Variants in MYO16 observed in about 807,000 individuals in gnomAD.
The protein encoded by MYO16 is unconventional myosin-XVI.
A neutral mutation model predicts 205.3 loss-of-function variants in MYO16; 94 were observed. The observed-to-expected ratio is 0.46, with a 90% confidence interval of 0.39 to 0.54. The LOEUF (loss-of-function observed/expected upper bound fraction) is 0.54. Among genes scored for constraint, MYO16 ranks in the 20% least tolerant of loss-of-function variants. The probability of loss-of-function intolerance (pLI) is 0.00; values close to 1 mark genes in which losing one functional copy is unlikely to be tolerated. For missense variants in MYO16, 2,315 were observed against 2,387.5 expected, an observed-to-expected ratio of 0.97 and a Z score of 0.63; for synonymous variants, 988 against 954.0, an observed-to-expected ratio of 1.04 and a Z score of -0.66.
intron 5 of MYO16, 129 bp from the exon 6 acceptor site, chr13:108,793,387 A>C (rs1886682275): frequency 2.7e-6 from 2 of 734,480 alleles, no homozygotes; most frequent in Non-Finnish European, 2.2e-6. Flanking sequence ...TCTTTGAATG[A>C]GTGTTCAAAG....
chr13:108,940,430 C>G lies in MYO16; in HGVS notation c.1926-17258C>G, dbSNP rs529976451. Among the ~76,000 whole-genome samples, 3 of 152,260 alleles carry G rather than the reference C, an allele frequency of 2.0e-5. No homozygotes were observed. The East Asian group carries it at 5.8e-4, about 29-fold the overall frequency. On this transcript the variant is annotated intron_variant, in intron 16 of 34. Coordinates refer to ENST00000457511, the MANE Select transcript of MYO16 (RefSeq NM_001198950.3). ...ATAACAATTGACTTGATCAGAAACT[C>G]TCTATGTGCATTCCAATTAGTAATG...
chr13:108,585,662 T>A, the MYO16 span, among the ~76,000 whole-genome samples: 1 of 152,192 alleles, frequency 6.6e-6, no homozygotes, highest in Non-Finnish European at 1.5e-5. Flanking sequence ...CAAGGGAATA[T>A]ATTTTGGGGT....
chr13:109,023,835 TTAGA>T (rs926407070), intron 23 of MYO16, among the ~76,000 whole-genome samples: 3 of 136,828 alleles, frequency 2.2e-5, no homozygotes, highest in African/African-American at 7.9e-5. Context: ...TTTGCATTTA[TTAGA>T]TATTTATATT....
intron 1 of MYO16, among the ~76,000 whole-genome samples, chr13:108,607,194 C>A (rs1304721934): frequency 6.6e-6 from 1 of 152,074 alleles, no homozygotes; most frequent in Non-Finnish European, 1.5e-5. Flanking sequence ...TGGGTTAATG[C>A]TGGAAACAGT....
rs922984568 is a variant in MYO16, at chr13:109,125,461, G to A, written c.3782+103G>A. ...ATGCAGAGTTCAATCAAATATGACA[G>A]GAGTTGCAGGAACAGGCATGCGTGG... On this transcript the variant is annotated intron_variant, in intron 30 of 34. Transcript: ENST00000457511. This position sits in a 1 kb window ranked among gnomAD's most constrained non-coding sequence, Gnocchi z 4.0. 19 of 1,453,344 alleles carry A rather than the reference G, an allele frequency of 1.3e-5. No individual in the cohort carries two copies. The highest frequency in any genetic ancestry group is 1.8e-5 in the Non-Finnish European group (19 of 1,068,818). The allele number at this position is 1,453,344 out of a possible 1,614,324, so 90.0% of individuals were successfully genotyped here.
chr13:108,941,703 GA>G (rs1033302732), intron 16 of MYO16, among the ~76,000 whole-genome samples: 230 of 133,744 alleles, frequency 1.7e-3, no homozygotes, highest in Non-Finnish European at 2.9e-3. Flanking sequence ...AAAGGTAAAA[GA>G]AAAAAAAAAG....
intron 34 of MYO16, among the ~76,000 whole-genome samples, chr13:109,197,552 C>T (rs770182037): frequency 3.9e-5 from 6 of 152,132 alleles, no homozygotes; most frequent in Non-Finnish European, 8.8e-5. Flanking sequence ...GATTAATTTA[C>T]TCATTTTAGG....
chr13:108,862,622 T>A (rs148355710), intron 11 of MYO16, among the ~76,000 whole-genome samples: 96 of 152,312 alleles, frequency 6.3e-4, no homozygotes, highest in African/African-American at 2.2e-3. Flanking sequence ...AATATCTTGA[T>A]CATTACAGCT....
At chr13:108,822,116 C>T (rs2195735) in intron 8 of MYO16, among the ~76,000 whole-genome samples, 3,161 of 152,010 alleles carry the variant, frequency 0.021, 102 homozygotes, top group African/African-American at 0.071. Flanking sequence ...AAATGAAAGT[C>T]GTCATCAGTA....
At chr13:108,583,993 A>G in the MYO16 span, among the ~76,000 whole-genome samples, 2 of 152,162 alleles carry the variant, frequency 1.3e-5, no homozygotes, top group Non-Finnish European at 2.9e-5. Context: ...TCGCTCTGTC[A>G]CCCAGGCTGG....
chr13:109,070,341 A>T (rs1887886285), intron 27 of MYO16, among the ~76,000 whole-genome samples: 2 of 152,180 alleles, frequency 1.3e-5, no homozygotes, highest in Admixed American at 6.5e-5. Context: ...ATCGCCTGGC[A>T]CTAGTGGGTG....
intron 21 of MYO16, among the ~76,000 whole-genome samples, chr13:109,002,307 T>C (rs976995785): frequency 6.6e-6 from 1 of 152,222 alleles, no homozygotes; most frequent in Non-Finnish European, 1.5e-5. Context: ...TATTTTTGTT[T>C]CAGATATGTT....
the MYO16 span, among the ~76,000 whole-genome samples, chr13:108,502,653 C>T: frequency 5.9e-5 from 9 of 152,086 alleles, no homozygotes; most frequent in African/African-American, 1.4e-4. Flanking sequence ...GTGCCTTTAA[C>T]GAACACATTT....
intron 27 of MYO16, among the ~76,000 whole-genome samples, chr13:109,099,666 G>C (rs1022500152): frequency 2.0e-5 from 3 of 152,126 alleles, no homozygotes; most frequent in South Asian, 4.1e-4. Context: ...ACACCAGACT[G>C]TACTGCCGCA....
At chr13:108,622,119 C>A (rs1276720394) in intron 1 of MYO16, among the ~76,000 whole-genome samples, 1 of 152,084 alleles carries the variant, frequency 6.6e-6, no homozygotes, top group Non-Finnish European at 1.5e-5. Flanking sequence ...GGCATAATTA[C>A]TGTGAAGGGG....
At chr13:109,114,771 C>T (rs1875590372) in intron 28 of MYO16, among the ~76,000 whole-genome samples, 1 of 152,168 alleles carries the variant, frequency 6.6e-6, no homozygotes, top group Non-Finnish European at 1.5e-5. Flanking sequence ...AACCATGTGA[C>T]CTGAGCTTTC....
intron 1 of MYO16, among the ~76,000 whole-genome samples, chr13:108,662,616 C>A (rs1241491492): frequency 6.6e-6 from 1 of 152,124 alleles, no homozygotes; most frequent in Non-Finnish European, 1.5e-5. Context: ...CTCACTCCCA[C>A]CGTGCCCCAC....
intron 5 of MYO16, among the ~76,000 whole-genome samples, chr13:108,786,185 T>C (rs1886452244): frequency 1.3e-5 from 2 of 152,228 alleles, no homozygotes; most frequent in Admixed American, 1.3e-4. Flanking sequence ...TCAAGGACAC[T>C]TGTCTGCAAA....
At chr13:108,728,587 T>C (rs892245055) in intron 4 of MYO16, among the ~76,000 whole-genome samples, 6 of 152,230 alleles carry the variant, frequency 3.9e-5, no homozygotes, top group Non-Finnish European at 2.9e-5. Context: ...CTGCAGTCCC[T>C]GATGTTCCTT....
Sources: allele counts gnomAD v4.1 joint callset (sites outside exome capture counted in the v4.1 genomes callset), GRCh38; gene constraint gnomAD v4.1.1; non-coding constraint Gnocchi (gnomAD v3.1); transcripts MANE v1.5; gene names NCBI Gene and HGNC (gene_info 2026-07-23, HGNC 2026-07-21).